NOL4: variants seen among roughly 807,000 people sequenced by gnomAD.
NOL4 encodes the protein cancer/testis antigen 125.
NOL4 carries 17 observed loss-of-function variants against 75.9 expected under a neutral mutation model. The observed-to-expected ratio is 0.22, with a 90% CI of 0.15 to 0.34. The LOEUF is 0.34. Among genes scored for constraint, NOL4 ranks in the 10% least tolerant of loss-of-function variants. NOL4 has a pLI of 1.00. For missense variants in NOL4, 614 were observed against 793.5 expected (o/e 0.77, Z 2.72); for synonymous variants, 292 against 289.9 (o/e 1.01, Z -0.07).
At chr18:34,203,264 C>T (rs542584560) in intron 1 of NOL4, among the ~76,000 whole-genome samples, 36 of 151,960 alleles carry the variant, frequency 2.4e-4, no homozygotes, top group African/African-American at 8.4e-4. Context: ...TGGTTAGGAA[C>T]AGGGGTCATG....
At chr18:33,947,559 A>G (rs1455270773) in intron 8 of NOL4, among the ~76,000 whole-genome samples, 1 of 151,820 alleles carries the variant, frequency 6.6e-6, no homozygotes, top group Non-Finnish European at 1.5e-5. Flanking sequence ...ATACTATTTG[A>G]TATCTATCTC....
At chr18:34,009,492 G>A (rs1418587275) in intron 6 of NOL4, among the ~76,000 whole-genome samples, 1 of 151,916 alleles carries the variant, frequency 6.6e-6, no homozygotes, top group Non-Finnish European at 1.5e-5. Flanking sequence ...AAATTCTGGA[G>A]CCAATAACAA....
At chr18:34,217,541 C>A (rs185895864) in intron 1 of NOL4, among the ~76,000 whole-genome samples, 7 of 152,242 alleles carry the variant, frequency 4.6e-5, no homozygotes, top group African/African-American at 1.7e-4. Context: ...CCTGCCTCAG[C>A]CTCCCAGAAT....
At chr18:33,940,085 C>T (rs373926042) in intron 9 of NOL4, among the ~76,000 whole-genome samples, 13 of 152,126 alleles carry the variant, frequency 8.5e-5, no homozygotes, top group South Asian at 2.1e-4. Flanking sequence ...GGAATAGGAA[C>T]GCTTTCACAC....
intron 1 of NOL4, among the ~76,000 whole-genome samples, chr18:34,184,331 T>C (rs945624721): frequency 6.6e-6 from 1 of 152,028 alleles, no homozygotes; most frequent in Admixed American, 6.6e-5. Flanking sequence ...AATAACATGA[T>C]ACAATTATGT....
intron 9 of NOL4, among the ~76,000 whole-genome samples, chr18:33,920,956 C>T (rs116279849): frequency 0.01 from 1,539 of 152,260 alleles, 19 homozygotes; most frequent in African/African-American, 0.034. Flanking sequence ...AAGGTGCAGT[C>T]GGCCAGGTGG....
chr18:34,205,603 T>C (rs2036069356), intron 1 of NOL4, among the ~76,000 whole-genome samples: 1 of 151,922 alleles, frequency 6.6e-6, no homozygotes, highest in Non-Finnish European at 1.5e-5. Context: ...GAGACGAAAA[T>C]ATTTAAGAGG....
chr18:33,989,906 T>A (rs899015287), intron 6 of NOL4, among the ~76,000 whole-genome samples: 4 of 152,236 alleles, frequency 2.6e-5, no homozygotes, highest in Non-Finnish European at 4.4e-5. Context: ...TATCTCCCAC[T>A]CATGATCACA....
intron 5 of NOL4, among the ~76,000 whole-genome samples, chr18:34,027,171 A>G (rs1203266962): frequency 6.6e-6 from 1 of 152,228 alleles, no homozygotes; most frequent in Non-Finnish European, 1.5e-5. Flanking sequence ...AAGTAAACTC[A>G]GCAGCAAAGA....
At chr18:33,888,346 G>T (rs967099344) in intron 9 of NOL4, among the ~76,000 whole-genome samples, 2 of 152,032 alleles carry the variant, frequency 1.3e-5, no homozygotes, top group African/African-American at 4.8e-5. Flanking sequence ...AGATTGCAAA[G>T]ATTTTCTCCC....
At chr18:33,909,101 A>G (rs2066237475) in intron 9 of NOL4, among the ~76,000 whole-genome samples, 2 of 152,130 alleles carry the variant, frequency 1.3e-5, no homozygotes, top group Admixed American at 1.3e-4. Context: ...TCTCTACTGT[A>G]ACTTCTCAAA....
intron 10 of NOL4, among the ~76,000 whole-genome samples, chr18:33,857,014 AT>A (rs572973251): frequency 8.0e-4 from 122 of 152,038 alleles, no homozygotes; most frequent in Middle Eastern, 3.4e-3. Flanking sequence ...CTTTTTATAA[AT>A]TTTTTTCAAA....
At chr18:34,154,826 T>C (rs2030055259) in intron 1 of NOL4, among the ~76,000 whole-genome samples, 2 of 152,186 alleles carry the variant, frequency 1.3e-5, no homozygotes, top group South Asian at 4.1e-4. Context: ...AATGGCATTC[T>C]CTTTCATTGT....
chr18:33,938,839 G>A (rs1167940461), intron 9 of NOL4, among the ~76,000 whole-genome samples: 3 of 152,102 alleles, frequency 2.0e-5, no homozygotes, highest in African/African-American at 7.2e-5. Context: ...TTTTAGTCAT[G>A]AAGTCTTTGT....
chr18:34,207,176 C>T (rs948100583), intron 1 of NOL4, among the ~76,000 whole-genome samples: 2 of 152,136 alleles, frequency 1.3e-5, no homozygotes, highest in African/African-American at 4.8e-5. Flanking sequence ...ATTCCAACAT[C>T]TGGTCCAACT....
At chr18:34,050,993 A>G (rs1348688881) in intron 5 of NOL4, among the ~76,000 whole-genome samples, 1 of 152,060 alleles carries the variant, frequency 6.6e-6, no homozygotes, top group East Asian at 1.9e-4. Flanking sequence ...AAACTGCATT[A>G]CTAATCTCTC....
At chr18:33,877,299 T>A (rs1040444620) in intron 10 of NOL4, among the ~76,000 whole-genome samples, 1 of 151,462 alleles carries the variant, frequency 6.6e-6, no homozygotes, top group Admixed American at 6.6e-5. Flanking sequence ...ATATCCTGTC[T>A]CAAAAAATAA....
chr18:34,190,046 A>G (rs1391965880), intron 1 of NOL4, among the ~76,000 whole-genome samples: 1 of 148,648 alleles, frequency 6.7e-6, no homozygotes, highest in Non-Finnish European at 1.5e-5. Context: ...TTTTATATAT[A>G]TTACTTATTT....
intron 9 of NOL4, among the ~76,000 whole-genome samples, chr18:33,916,602 T>C (rs773570670): frequency 2.6e-5 from 4 of 152,196 alleles, no homozygotes; most frequent in Non-Finnish European, 5.9e-5. Flanking sequence ...TCTGATTACA[T>C]AGTTTTAATA....
Sources: gnomAD v4.1 joint callset for allele counts (sites outside exome capture counted in the v4.1 genomes callset) on GRCh38, gnomAD v4.1.1 for gene constraint, MANE v1.5 for transcripts, NCBI Gene and HGNC (gene_info 2026-07-23, HGNC 2026-07-21) for gene names.